The following IRF2BP2 variants were observed in gnomAD, a reference collection of about 807,000 sequenced individuals.
IRF2BP2 encodes the protein interferon regulatory factor 2 binding protein 2.
A neutral mutation model predicts 32.7 loss-of-function variants in IRF2BP2; 13 were observed. The ratio of observed to expected loss-of-function variants is 0.40; its 90% CI spans 0.26 to 0.63. IRF2BP2 has a LOEUF of 0.63. IRF2BP2 is among the 30% of genes least tolerant of loss of function. The pLI, the probability that IRF2BP2 is intolerant of heterozygous loss-of-function variation, is 0.42. For missense variants in IRF2BP2, 980 were observed against 830.6 expected (o/e 1.18, Z -2.21); for synonymous variants, 555 against 384.6 (o/e 1.44, Z -5.18).
chr1:234,609,578 C>A lies in IRF2BP2; in HGVS notation c.-84G>T. Reference sequence around the variant, plus strand: ...CCGCCCCCCACCGGCACCACGCGCGCCCTCCTCCCCCCCCAACCCCGCGTC... The same window carrying A: ...CCGCCCCCCACCGGCACCACGCGCGACCTCCTCCCCCCCCAACCCCGCGTC... On this transcript the variant is annotated 5_prime_UTR_variant, in exon 1 of 2. Transcript: ENST00000366609. 1 of 754,692 alleles carries A rather than the reference C, an allele frequency of 1.3e-6. No individual in the cohort carries two copies. Among genetic ancestry groups the A allele is most frequent in the African/African-American group, 1.9e-5 (1 of 53,212 alleles). 46.7% of individuals were successfully genotyped at this position (754,692 alleles called of 1,614,324 possible).
chr1:234,609,201 C>G lies in IRF2BP2; in HGVS notation c.294G>C (p.Gln98His), dbSNP rs1672270015. Residue 98 changes from glutamine to histidine, a missense_variant, in exon 1 of 2, where the codon CAG (glutamine) becomes CAC (histidine). Transcript: ENST00000366609. Reference sequence around the variant, plus strand: ...CCGCCTCGGGGCCGCCGTGGCCAAGCTGCTGCTGCTGCTGCAAAAGGATGT... The same window carrying G: ...CCGCCTCGGGGCCGCCGTGGCCAAGGTGCTGCTGCTGCTGCAAAAGGATGT... ...AKDILLQQQQQLGHGGPEAAP... is the reference protein window; with the variant it reads ...AKDILLQQQQHLGHGGPEAAP... The G allele has an allele frequency of 3.8e-6, 5 of 1,303,962 alleles. No homozygotes were observed. Among genetic ancestry groups the G allele is most frequent in the Middle Eastern group, 2.9e-4 (1 of 3,400 alleles). The allele number at this position is 1,303,962 out of a possible 1,614,324, so 80.8% of individuals were successfully genotyped here.
At chr1:234,608,328 G>A in intron 1 of IRF2BP2, 119 bp downstream of exon 1, 2 of 827,498 alleles carry the variant, frequency 2.4e-6, no homozygotes, top group Non-Finnish European at 3.7e-6. Flanking sequence ...GGCAGATCAG[G>A]AAGTGGGGTG....
In IRF2BP2 at chr1:234,606,382, T is replaced by C. The variant is rs971728132; in HGVS notation, c.*755A>G. ...GCCTTCCATCACTGGAATTGTATCT[T>C]ATGTAACCAACTAGCATGCAGCATT... On this transcript the variant is annotated 3_prime_UTR_variant, in exon 2 of 2. Coordinates refer to ENST00000366609, the MANE Select transcript of IRF2BP2 (RefSeq NM_182972.3). The C allele has an allele frequency of 3.9e-5, 6 of 152,056 alleles. No homozygotes were observed. Among genetic ancestry groups the C allele is most frequent in the African/African-American group, 1.5e-4 (6 of 41,378 alleles). The allele number at this position is 152,056 out of a possible 1,614,324, so 9.4% of individuals were successfully genotyped here.
chr1:234,608,846 A>G lies in IRF2BP2; in HGVS notation c.649T>C (p.Ser217Pro), dbSNP rs1672253389. The change falls in exon 1 of 2, where the codon TCC becomes CCC. Residue 217 changes from serine to proline, a missense_variant. Physicochemically the swap from Ser to Pro is moderately conservative, Grantham distance 74. Transcript: ENST00000366609. The part of the protein sequence containing the change: ...GRAAASLAAV[S>P]GTAAASLGSA... The stretch of plus-strand genomic sequence containing the variant: ...CCCAGGCTGGCGGCCGCGGTTCCGG[A>G]CACCGCGGCTAAGGAGGCGGCAGCG... 2 of 1,336,532 alleles carry G rather than the reference A, an allele frequency of 1.5e-6. No individual in the cohort carries two copies. The highest frequency in any genetic ancestry group is 1.9e-6 in the Non-Finnish European group (2 of 1,054,000). The allele number at this position is 1,336,532 out of a possible 1,614,324, so 82.8% of individuals were successfully genotyped here.
rs963131228 is a variant in IRF2BP2, at chr1:234,606,536, C to G, written c.*601G>C. Reference sequence around the variant, plus strand: ...CAGCAGCACTCTCAGTCATCAGTATCTCAGGAACTGAACTTTTGAGCAAAA... The same window carrying G: ...CAGCAGCACTCTCAGTCATCAGTATGTCAGGAACTGAACTTTTGAGCAAAA... On this transcript the variant is annotated 3_prime_UTR_variant, in exon 2 of 2. Coordinates refer to ENST00000366609, the MANE Select transcript of IRF2BP2 (RefSeq NM_182972.3). The G allele has an allele frequency of 2.6e-5, 4 of 152,096 alleles. No homozygotes were observed. Among genetic ancestry groups the G allele is most frequent in the Non-Finnish European group, 5.9e-5 (4 of 68,056 alleles). 9.4% of individuals were successfully genotyped at this position (152,096 alleles called of 1,614,324 possible). A position where few individuals can be genotyped will look rare whatever the true frequency, so the allele number is the denominator to read the frequency against.
Position 234,606,281 on chromosome 1 carries a change from T to TG in IRF2BP2, c.*855dup, listed in dbSNP as rs902796358. On this transcript the variant is annotated 3_prime_UTR_variant, in exon 2 of 2. Coordinates refer to ENST00000366609, the MANE Select transcript of IRF2BP2 (RefSeq NM_182972.3). ...CAGACCTCTAGGGTGTTTAAAAAGA[T>TG]GAAGTGGCGCTGCAGAGCTGGGCTC... is the stretch of plus-strand genomic sequence containing the variant. 3.3e-5 allele frequency: 5 copies of TG among 152,206 alleles called. No homozygotes were observed. Among genetic ancestry groups the TG allele is most frequent in the Admixed American group, 6.5e-5 (1 of 15,284 alleles). 9.4% of individuals were successfully genotyped at this position (152,206 alleles called of 1,614,324 possible).
chr1:234,609,030 G>A lies in IRF2BP2; in HGVS notation c.465C>T (p.Gly155=). 2 of 1,317,634 alleles carry A rather than the reference G, an allele frequency of 1.5e-6. No individual in the cohort carries two copies. The highest frequency in any genetic ancestry group is 1.9e-6 in the Non-Finnish European group (2 of 1,036,246). The allele number at this position is 1,317,634 out of a possible 1,614,324, so 81.6% of individuals were successfully genotyped here. Residue 155 remains glycine, a synonymous_variant, in exon 1 of 2, where the codon GGC becomes GGT. Transcript: ENST00000366609. ...PPTPQPPPVN[G]ILVPNGFSKL... The stretch of plus-strand genomic sequence containing the variant: ...TGGAGAAGCCGTTGGGCACCAGGAT[G>A]CCGTTCACGGGCGGCGGCTGCGGCG...
chr1:234,607,660 G>A lies in IRF2BP2; in HGVS notation c.1241C>T (p.Pro414Leu), dbSNP rs751055698. ...TASPHSNRTT[P>L]PEAAQNGQSP... is the part of the protein sequence containing the mutation. ...CTGGCCATTCTGGGCCGCTTCAGGC[G>A]GTGTGGTCCGGTTGGAATGAGGTGA... The change falls in exon 2 of 2, where the codon CCG becomes CTG. Residue 414 changes from proline (P) to leucine (L), a missense_variant. Pro to Leu is a moderately conservative substitution (Grantham distance 98). Coordinates refer to ENST00000366609, the MANE Select transcript of IRF2BP2 (RefSeq NM_182972.3). 1.2e-6 allele frequency: 2 copies of A among 1,614,088 alleles called. No homozygotes were observed. The highest frequency in any genetic ancestry group is 1.7e-5 in the Admixed American group (1 of 60,010).
Position 234,609,157 on chromosome 1 carries a change from G to C in IRF2BP2, c.338C>G (p.Ala113Gly). Residue 113 changes from alanine to glycine, a missense_variant, in exon 1 of 2, where the codon GCC becomes GGC. By Grantham distance (60) the Ala-to-Gly change is moderately conservative. Transcript: ENST00000366609. ...GPEAAPRAPQ[A>G]LERYPLAAAA... is the part of the protein sequence containing the mutation. ...GGCCGCCAACGGGTAGCGCTCCAAG[G>C]CCTGCGGCGCGCGCGGGGCCGCCTC... 7.9e-7 allele frequency: 1 copy of C among 1,272,156 alleles called. No homozygotes were observed. The highest frequency in any genetic ancestry group is 9.9e-7 in the Non-Finnish European group (1 of 1,012,720). The allele number at this position is 1,272,156 out of a possible 1,614,324, so 78.8% of individuals were successfully genotyped here.
chr1:234,607,518 C>T lies in IRF2BP2; in HGVS notation c.1383G>A (p.Pro461=), dbSNP rs1188539882. Residue 461 remains proline (P), a synonymous_variant, in exon 2 of 2, where the codon CCG becomes CCA. Coordinates refer to ENST00000366609, the MANE Select transcript of IRF2BP2 (RefSeq NM_182972.3). ...TRRNSNSPPS[P]SSMNQRRLGP... ...CCAGCCTTCTTTGGTTCATAGAGGA[C>T]GGAGAGGGCGGACTGTTGCTATTCC... The T allele has an allele frequency of 6.2e-7, 1 of 1,614,110 alleles. No homozygotes were observed. Among genetic ancestry groups the T allele is most frequent in the East Asian group, 2.2e-5 (1 of 44,886 alleles).
In IRF2BP2 at chr1:234,608,905, G is replaced by A; in HGVS notation, c.590C>T (p.Thr197Met). 7.4e-7 allele frequency: 1 copy of A among 1,353,022 alleles called. No individual in the cohort carries two copies. The highest frequency in any genetic ancestry group is 9.4e-7 in the Non-Finnish European group (1 of 1,061,036). 83.8% of individuals were successfully genotyped at this position (1,353,022 alleles called of 1,614,324 possible). ...GAGGCCGAGCGCGGTGGGCAGCGGC[G>A]TGGCCGAGCCGTTCATGAGCGGCAC... ...TLVPLMNGSATPLPTALGLGG... is the reference protein window; with the variant it reads ...TLVPLMNGSAMPLPTALGLGG... Residue 197 changes from threonine (T) to methionine (M), a missense_variant, in exon 1 of 2, where the codon ACG (threonine) becomes ATG (methionine). Physicochemically the swap from Thr to Met is moderately conservative, Grantham distance 81. Transcript: ENST00000366609.
rs1051996511 is a variant in IRF2BP2 at position 234,606,384 on chromosome 1, T to C, written c.*753A>G. The C allele has an allele frequency of 6.6e-6, 1 of 152,056 alleles. No individual in the cohort carries two copies. The highest frequency in any genetic ancestry group is 2.1e-4 in the South Asian group (1 of 4,828). The allele number at this position is 152,056 out of a possible 1,614,324, so 9.4% of individuals were successfully genotyped here. On this transcript the variant is annotated 3_prime_UTR_variant, in exon 2 of 2. Transcript: ENST00000366609. ...CTTCCATCACTGGAATTGTATCTTA[T>C]GTAACCAACTAGCATGCAGCATTGT...
In IRF2BP2 at chr1:234,609,461, G is replaced by T. The variant is rs1243913618; in HGVS notation, c.34C>A (p.Arg12=). Residue 12 remains arginine, a synonymous_variant, in exon 1 of 2, where the codon CGG becomes AGG. Transcript: ENST00000366609. Reference sequence around the variant, plus strand: ...TCACACAGGTAGCACGACTGCCGCCGGGACGCGGCCGCCACCGCCACCGCC... The same window carrying T: ...TCACACAGGTAGCACGACTGCCGCCTGGACGCGGCCGCCACCGCCACCGCC... ...AAAVAVAAAS[R]RQSCYLCDLP... The T allele has an allele frequency of 1.3e-6, 2 of 1,523,400 alleles. No individual in the cohort carries two copies. The highest frequency in any genetic ancestry group is 1.8e-6 in the Non-Finnish European group (2 of 1,137,500). The allele number at this position is 1,523,400 out of a possible 1,614,324, so 94.4% of individuals were successfully genotyped here.
At position 234,608,598 on chromosome 1, in the gene IRF2BP2, G is replaced by T. The variant is rs146468937; in HGVS notation, c.897C>A (p.Val299=). ...KSRGSGEQDW[V]NRPKTVRDTL... is the part of the protein sequence containing the mutation. ...TGTCGCGCACGGTCTTGGGCCTGTTGACCCAGTCCTGCTCTCCAGACCCGC... is the reference window on the plus strand; with the variant it reads ...TGTCGCGCACGGTCTTGGGCCTGTTTACCCAGTCCTGCTCTCCAGACCCGC... Residue 299 remains valine (V), a synonymous_variant, in exon 1 of 2, where the codon GTC becomes GTA. Transcript: ENST00000366609. The T allele has an allele frequency of 1.8e-5, 28 of 1,598,688 alleles. No homozygotes were observed. The African/African-American group carries it at 3.5e-4, about 20-fold the overall frequency.
At position 234,604,859 on chromosome 1, in the gene IRF2BP2, T is replaced by C. The variant is rs891489395; in HGVS notation, c.*2278A>G. ...AATGCCAGAAAACCCAGATCAACAC[T>C]TTCCAGCTACGAGCCGTCCACAAAG... On this transcript the variant is annotated 3_prime_UTR_variant, in exon 2 of 2. Transcript: ENST00000366609. 3 of 152,210 alleles carry C rather than the reference T, an allele frequency of 2.0e-5. No homozygotes were observed. Among genetic ancestry groups the C allele is most frequent in the Non-Finnish European group, 4.4e-5 (3 of 68,042 alleles). The allele number at this position is 152,210 out of a possible 1,614,324, so 9.4% of individuals were successfully genotyped here. A position where few individuals can be genotyped will look rare whatever the true frequency, so the allele number is the denominator to read the frequency against.
chr1:234,608,943 C>T lies in IRF2BP2; in HGVS notation c.552G>A (p.Val184=). 3 of 1,362,024 alleles carry T rather than the reference C, an allele frequency of 2.2e-6. No individual in the cohort carries two copies. The highest frequency in any genetic ancestry group is 2.0e-5 in the South Asian group (1 of 49,464). 84.4% of individuals were successfully genotyped at this position (1,362,024 alleles called of 1,614,324 possible). The change falls in exon 1 of 2, where the codon GTG becomes GTA. Residue 184 remains valine, a synonymous_variant. Coordinates refer to ENST00000366609, the MANE Select transcript of IRF2BP2 (RefSeq NM_182972.3). ...QSPNPRRGHA[V]PPTLVPLMNG... ...TCATGAGCGGCACCAGGGTGGGCGG[C>T]ACCGCGTGGCCGCGCCGCGGGTTCG...
rs1271092337 is a variant in IRF2BP2, at chr1:234,605,103, C to G, written c.*2034G>C. 1 of 152,186 alleles carries G rather than the reference C, an allele frequency of 6.6e-6. No homozygotes were observed. The highest frequency in any genetic ancestry group is 1.5e-5 in the Non-Finnish European group (1 of 68,038). The allele number at this position is 152,186 out of a possible 1,614,324, so 9.4% of individuals were successfully genotyped here. On this transcript the variant is annotated 3_prime_UTR_variant, in exon 2 of 2. Coordinates refer to ENST00000366609, the MANE Select transcript of IRF2BP2 (RefSeq NM_182972.3). The stretch of plus-strand genomic sequence containing the variant: ...GCATGTCTGTATTAAGATTGCAAAA[C>G]ATACAGATAGCTACCACAAATTAGG...
rs1037680366 is a variant in IRF2BP2, at chr1:234,610,094, CGCCAGCGTCAGCG to C, written c.-613_-601del. Among the ~76,000 whole-genome samples the C allele has an allele frequency of 7.4e-5, 11 of 148,028 alleles. No homozygotes were observed. Among genetic ancestry groups the C allele is most frequent in the Non-Finnish European group, 1.4e-4 (9 of 66,370 alleles). On this transcript the variant is annotated 5_prime_UTR_variant, in exon 1 of 2. Transcript: ENST00000366609. ...AGCTCCTGGCGTCGCCGCTCTCCAG[CGCCAGCGTCAGCG>C]GCCAGCCCGCCTCAGCTCCGCCGCC... is the stretch of plus-strand genomic sequence containing the variant.
chr1:234,608,238 G>A (rs763770656), intron 1 of IRF2BP2: 14 of 539,562 alleles, frequency 2.6e-5, no homozygotes, highest in South Asian at 2.8e-5. Flanking sequence ...GTGTCAGAGC[G>A]TATCAGCCCA....
Sources: allele counts gnomAD v4.1 joint callset (sites outside exome capture counted in the v4.1 genomes callset), GRCh38; gene constraint gnomAD v4.1.1; transcripts MANE v1.5; gene names NCBI Gene and HGNC (gene_info 2026-07-23, HGNC 2026-07-21).